Variants in GPC5 observed in about 807,000 individuals in gnomAD.
The protein encoded by GPC5 is glypican-5.
GPC5 carries 47 observed loss-of-function variants against 53.9 expected under a neutral mutation model. The ratio of observed to expected loss-of-function variants is 0.87; its 90% confidence interval spans 0.69 to 1.11. The LOEUF is 1.11. GPC5 is among the 50% of genes most tolerant of loss of function. GPC5 has a pLI of 0.00. For missense variants in GPC5, 748 were observed against 713.1 expected, an observed-to-expected ratio of 1.05 and a Z score of -0.56; for synonymous variants, 286 against 263.3, an observed-to-expected ratio of 1.09 and a Z score of -0.84.
intron 6 of GPC5, among the ~76,000 whole-genome samples, chr13:92,096,033 T>G (rs2041419619): frequency 6.6e-6 from 1 of 152,192 alleles, no homozygotes; most frequent in Non-Finnish European, 1.5e-5. Flanking sequence ...AACCTAGCTA[T>G]CCAGATTTTT....
intron 7 of GPC5, among the ~76,000 whole-genome samples, chr13:92,673,064 T>C (rs921064660): frequency 1.3e-5 from 2 of 151,994 alleles, no homozygotes; most frequent in African/African-American, 2.4e-5. Flanking sequence ...GCAAAAAAAC[T>C]CAACTTTAAA....
chr13:92,856,724 C>G (rs767025315), intron 7 of GPC5, among the ~76,000 whole-genome samples: 8 of 151,828 alleles, frequency 5.3e-5, no homozygotes, highest in Non-Finnish European at 8.8e-5. Context: ...TAGCATAATC[C>G]CATTTGTAAT....
At chr13:92,332,649 A>C (rs1004168056) in intron 7 of GPC5, among the ~76,000 whole-genome samples, 3 of 152,208 alleles carry the variant, frequency 2.0e-5, no homozygotes, top group Non-Finnish European at 2.9e-5. Context: ...AAATAAATGA[A>C]CATAATTTTC....
chr13:92,414,408 G>A (rs542605785), intron 7 of GPC5, among the ~76,000 whole-genome samples: 2 of 151,688 alleles, frequency 1.3e-5, no homozygotes, highest in African/African-American at 4.8e-5. Context: ...GGGAGGCTGA[G>A]ACAGGAGAAT....
At chr13:91,544,862 C>T (rs1481817868) in intron 2 of GPC5, among the ~76,000 whole-genome samples, 4 of 152,134 alleles carry the variant, frequency 2.6e-5, no homozygotes, top group Admixed American at 6.6e-5. Flanking sequence ...TGAGTCAAGA[C>T]GTGGGCCTGG....
intron 7 of GPC5, among the ~76,000 whole-genome samples, chr13:92,544,525 T>C (rs1262718594): frequency 6.6e-6 from 1 of 152,154 alleles, no homozygotes; most frequent in Non-Finnish European, 1.5e-5. Flanking sequence ...TCTTCTGTTT[T>C]GATTTTATTT....
intron 7 of GPC5, among the ~76,000 whole-genome samples, chr13:92,795,219 T>C (rs1876624799): frequency 6.6e-6 from 1 of 151,752 alleles, no homozygotes; most frequent in Non-Finnish European, 1.5e-5. Flanking sequence ...AGAGGCCGCA[T>C]AAATAACACC....
rs79949974 is a variant in GPC5 at position 91,491,904 on chromosome 13, G to C, written c.325+42982G>C. ...TTTCCAAATAAAGTCACGCTCACAG[G>C]TTCCTGATAGATATGTCTTTTTGGG... On this transcript the variant is annotated intron_variant, in intron 2 of 7. Coordinates refer to ENST00000377067, the MANE Select transcript of GPC5 (RefSeq NM_004466.6). Among the ~76,000 whole-genome samples, 384 of 152,242 alleles carry C rather than the reference G, an allele frequency of 2.5e-3. 2 individuals are homozygous for C. The highest frequency in any genetic ancestry group is 8.7e-3 in the African/African-American group (360 of 41,514).
chr13:91,410,726 T>C (rs1015685272), intron 1 of GPC5, among the ~76,000 whole-genome samples: 1 of 152,234 alleles, frequency 6.6e-6, no homozygotes, highest in Admixed American at 6.5e-5. Flanking sequence ...CCTGTACTCT[T>C]AGGAACATAG....
At chr13:92,846,089 G>T (rs187110096) in intron 7 of GPC5, among the ~76,000 whole-genome samples, 206 of 152,230 alleles carry the variant, frequency 1.4e-3, no homozygotes, top group African/African-American at 4.8e-3. Context: ...TTACAGTTCT[G>T]CAGGGCTGGT....
At chr13:92,600,448 A>G (rs571207619) in intron 7 of GPC5, among the ~76,000 whole-genome samples, 152 of 152,218 alleles carry the variant, frequency 1.0e-3, no homozygotes, top group African/African-American at 3.6e-3. Flanking sequence ...GCCAGTTAAG[A>G]AAGTATTCCC....
chr13:91,587,577 C>T (rs1389579511), intron 2 of GPC5, among the ~76,000 whole-genome samples: 1 of 152,110 alleles, frequency 6.6e-6, no homozygotes, highest in Non-Finnish European at 1.5e-5. Flanking sequence ...TTTAGAGGGA[C>T]TTCTTCCTTA....
intron 5 of GPC5, among the ~76,000 whole-genome samples, chr13:91,876,237 T>C (rs979395798): frequency 6.6e-6 from 1 of 152,028 alleles, no homozygotes; most frequent in African/African-American, 2.4e-5. Context: ...TTGGTACCAA[T>C]AGAGTGGGGC....
At position 92,425,447 on chromosome 13, in the gene GPC5, GA is replaced by G. The variant is rs574175660; in HGVS notation, c.1561+280466del. On this transcript the variant is annotated intron_variant, in intron 7 of 7. Transcript: ENST00000377067. ...ACTAAGGACTTTTTATTCCTTATCTGAAAAAAAATTACCACGACAGTCCTAT... is the reference window on the plus strand; with the variant it reads ...ACTAAGGACTTTTTATTCCTTATCTGAAAAAAATTACCACGACAGTCCTAT... Among the ~76,000 whole-genome samples, 407 of 151,708 alleles carry G rather than the reference GA, an allele frequency of 2.7e-3. 2 individuals are homozygous for G. Among genetic ancestry groups the G allele is most frequent in the Admixed American group, 5.6e-3 (85 of 15,204 alleles).
intron 7 of GPC5, among the ~76,000 whole-genome samples, chr13:92,464,351 A>G (rs1878607595): frequency 6.6e-6 from 1 of 152,130 alleles, no homozygotes; most frequent in Non-Finnish European, 1.5e-5. Context: ...ACATTTCCAT[A>G]TTTTTACACC....
intron 7 of GPC5, among the ~76,000 whole-genome samples, chr13:92,779,222 A>G (rs370108227): frequency 1.4e-4 from 22 of 151,958 alleles, no homozygotes; most frequent in African/African-American, 5.1e-4. Flanking sequence ...ATCAGATCTC[A>G]TGAGACTTAT....
chr13:91,437,139 C>A (rs1211852816), intron 1 of GPC5, among the ~76,000 whole-genome samples: 1 of 152,114 alleles, frequency 6.6e-6, no homozygotes, highest in Non-Finnish European at 1.5e-5. Context: ...GACTCTTTAT[C>A]CAATTTGCCA....
intron 1 of GPC5, among the ~76,000 whole-genome samples, chr13:91,433,173 A>C (rs1879630523): frequency 6.6e-6 from 1 of 150,648 alleles, no homozygotes; most frequent in Non-Finnish European, 1.5e-5. Context: ...TTTTTCTCCT[A>C]CTCCATTGAC....
At chr13:92,619,603 T>G (rs1351869366) in intron 7 of GPC5, among the ~76,000 whole-genome samples, 1 of 151,958 alleles carries the variant, frequency 6.6e-6, no homozygotes, top group Non-Finnish European at 1.5e-5. Context: ...TTAACCATAT[T>G]TATAAAATTC....
Sources: gnomAD v4.1 joint callset for allele counts (sites outside exome capture counted in the v4.1 genomes callset) on GRCh38, gnomAD v4.1.1 for gene constraint, MANE v1.5 for transcripts, NCBI Gene and HGNC (gene_info 2026-07-23, HGNC 2026-07-21) for gene names.